The following MPDZ variants were observed in gnomAD, a reference collection of about 807,000 sequenced individuals.
The protein encoded by MPDZ is multiple PDZ domain crumbs cell polarity complex component.
MPDZ carries 234 observed loss-of-function variants against 239.1 expected under a neutral mutation model. The observed-to-expected ratio is 0.98, with a 90% CI of 0.88 to 1.09. The LOEUF (loss-of-function observed/expected upper bound fraction) is 1.09. Among genes scored for constraint, MPDZ ranks in the 50% least tolerant of loss-of-function variants. The probability of loss-of-function intolerance (pLI) is 0.00; values close to 1 mark genes in which losing one functional copy is unlikely to be tolerated. For synonymous variants in MPDZ, 1,048 were observed against 881.3 expected (o/e 1.19, Z -3.35); for missense variants, 3,175 against 2,510.0 (o/e 1.26, Z -5.66).
chr9:13,203,227 C>A (rs980263302), intron 12 of MPDZ, among the ~76,000 whole-genome samples: 1 of 152,114 alleles, frequency 6.6e-6, no homozygotes, highest in Non-Finnish European at 1.5e-5. Context: ...AGGATGAACA[C>A]AGACTACAGG....
chr9:13,221,595 T>C, intron 6 of MPDZ, 95 bp from the exon 7 acceptor site: 1 of 1,273,890 alleles, frequency 7.8e-7, no homozygotes, highest in Non-Finnish European at 1.1e-6. Context: ...TTGTTAATAT[T>C]AAATAATTAA....
chr9:13,277,634 G>T (rs527739627), intron 1 of MPDZ, among the ~76,000 whole-genome samples: 2 of 152,026 alleles, frequency 1.3e-5, no homozygotes, highest in African/African-American at 4.8e-5. Context: ...GCGCGATCTC[G>T]GCTCAATGCA....
At chr9:13,233,701 T>C (rs116530210) in intron 3 of MPDZ, among the ~76,000 whole-genome samples, 1 of 152,212 alleles carries the variant, frequency 6.6e-6, no homozygotes, top group South Asian at 2.1e-4. Flanking sequence ...CTCTGGGGCA[T>C]TCCAGTGAAT....
At chr9:13,186,857 T>C (rs1002977563) in intron 17 of MPDZ, among the ~76,000 whole-genome samples, 1 of 152,176 alleles carries the variant, frequency 6.6e-6, no homozygotes, top group African/African-American at 2.4e-5. Context: ...TACAAGAATA[T>C]TATTTTAAAG....
intron 1 of MPDZ, among the ~76,000 whole-genome samples, chr9:13,272,864 G>A (rs932873837): frequency 6.6e-6 from 1 of 152,088 alleles, no homozygotes; most frequent in East Asian, 1.9e-4. Context: ...TAATGCCTTA[G>A]ACAAAGCAAG....
At chr9:13,222,660 C>T (rs1587916055) in intron 5 of MPDZ, among the ~76,000 whole-genome samples, 3 of 152,078 alleles carry the variant, frequency 2.0e-5, no homozygotes, top group African/African-American at 7.2e-5. Flanking sequence ...TACTGAACCC[C>T]TCCCATATAA....
chr9:13,180,265 T>C (rs1054563087), intron 19 of MPDZ, among the ~76,000 whole-genome samples: 1 of 152,150 alleles, frequency 6.6e-6, no homozygotes, highest in Admixed American at 6.6e-5. Context: ...TACTAAAAAA[T>C]ATCATTAAAT....
chr9:13,121,792 A>C lies in MPDZ; in HGVS notation c.5178T>G (p.Ile1726Met), dbSNP rs1944388398. The C allele has an allele frequency of 6.2e-7, 1 of 1,613,778 alleles. No homozygotes were observed. Among genetic ancestry groups the C allele is most frequent in the South Asian group, 1.1e-5 (1 of 91,070 alleles). Residue 1726 changes from isoleucine to methionine, a missense_variant, in exon 38 of 47, where the codon ATT (isoleucine) becomes ATG (methionine). By Grantham distance (10) the Ile-to-Met change is conservative. Coordinates refer to ENST00000319217, the MANE Select transcript of MPDZ (RefSeq NM_001378778.1). ...CTTTTCCCGGCTTCTTCTGCAGCTCAATAGTGAGGGTGTCACACACTTCCT... is the reference window on the plus strand; with the variant it reads ...CTTTTCCCGGCTTCTTCTGCAGCTCCATAGTGAGGGTGTCACACACTTCCT... ...KEEEVCDTLT[I>M]ELQKKPGKGL...
At chr9:13,192,329 A>G (rs759711230) in intron 14 of MPDZ, 34 bp from the exon 15 acceptor site, 2 of 1,527,964 alleles carry the variant, frequency 1.3e-6, no homozygotes, top group African/African-American at 2.7e-5. Context: ...AACAAACAAC[A>G]CTTCATAATA....
chr9:13,121,097 T>C (rs1321393032), intron 38 of MPDZ, among the ~76,000 whole-genome samples: 1 of 152,198 alleles, frequency 6.6e-6, no homozygotes, highest in Admixed American at 6.5e-5. Context: ...TACAAATGAA[T>C]TAGGTTGTGA....
rs1321282655 is a variant in MPDZ at position 13,110,684 on chromosome 9, GGT to G, written c.5779_5780del (p.Thr1927ProfsTer4). ...CGTSTEGMTH[T>X]QAVNLLKNAS... ...CATTTTTCAGTAGGTTAACTGCTTGGGTGTGAGTCATGCCCTCAGTGGATGTG... is the reference window on the plus strand; with the variant it reads ...CATTTTTCAGTAGGTTAACTGCTTGGGTGAGTCATGCCCTCAGTGGATGTG... On this transcript the variant is annotated frameshift_variant, in exon 44 of 47. Transcript: ENST00000319217. LOFTEE classifies it high-confidence loss of function. 6.2e-7 allele frequency: 1 copy of G among 1,613,650 alleles called. No individual in the cohort carries two copies. The highest frequency in any genetic ancestry group is 1.1e-5 in the South Asian group (1 of 90,996).
intron 21 of MPDZ, among the ~76,000 whole-genome samples, chr9:13,170,374 T>C (rs1442990973): frequency 2.0e-5 from 3 of 152,156 alleles, no homozygotes; most frequent in Admixed American, 1.3e-4. Flanking sequence ...ATAAAACATT[T>C]TTAAATGTAC....
chr9:13,266,683 C>A (rs1185394965), intron 1 of MPDZ, among the ~76,000 whole-genome samples: 2 of 152,166 alleles, frequency 1.3e-5, no homozygotes, highest in African/African-American at 4.8e-5. Flanking sequence ...TTTTCCAAGG[C>A]TCCCTAACTC....
chr9:13,209,415 A>C (rs943433532), intron 10 of MPDZ, among the ~76,000 whole-genome samples: 7 of 152,210 alleles, frequency 4.6e-5, no homozygotes, highest in African/African-American at 1.7e-4. Flanking sequence ...TCTACAAATG[A>C]ATCAAGTGAA....
At position 13,107,082 on chromosome 9, in the gene MPDZ, T is replaced by C; in HGVS notation, c.6096A>G (p.Lys2032=). The C allele has an allele frequency of 6.3e-7, 1 of 1,583,470 alleles. No homozygotes were observed. ...KGAASEDGRL[K]RGDQIIAVNG... ...TGACAGCAATGATCTGATCGCCCCTTTTCAGACGTCCGTCTTCAGAGGCTG... is the reference window on the plus strand; with the variant it reads ...TGACAGCAATGATCTGATCGCCCCTCTTCAGACGTCCGTCTTCAGAGGCTG... The change falls in exon 47 of 47, where the codon AAA becomes AAG. Residue 2032 remains lysine, a synonymous_variant. Transcript: ENST00000319217.
At chr9:13,268,542 G>T (rs1010275765) in intron 1 of MPDZ, among the ~76,000 whole-genome samples, 2 of 152,152 alleles carry the variant, frequency 1.3e-5, no homozygotes, top group Non-Finnish European at 2.9e-5. Context: ...AAAACGGTAA[G>T]TAATTATACG....
rs751360648 is a variant in MPDZ, at chr9:13,222,364, T to A, written c.616A>T (p.Ile206Phe). ...LDQTITHQQA[I>F]SILQKAKDTV... The stretch of plus-strand genomic sequence containing the variant: ...TCTTTGGCTTTCTGCAGGATGCTGA[T>A]AGCCTGCTGATGTGTAATTGTCTGA... The change falls in exon 6 of 47, where the codon ATC becomes TTC. Residue 206 changes from isoleucine (I) to phenylalanine (F), a missense_variant. Transcript: ENST00000319217. The A allele has an allele frequency of 6.2e-7, 1 of 1,612,826 alleles. No homozygotes were observed. The highest frequency in any genetic ancestry group is 8.5e-7 in the Non-Finnish European group (1 of 1,179,124).
chr9:13,206,403 T>C (rs915585596), intron 10 of MPDZ, among the ~76,000 whole-genome samples: 1 of 152,032 alleles, frequency 6.6e-6, no homozygotes, highest in African/African-American at 2.4e-5. Context: ...TTTCCCTTTT[T>C]GTTGAGACAG....
chr9:13,136,325 CTTTTTT>C lies in MPDZ; in HGVS notation c.4293-149_4293-144del, dbSNP rs869272418. The C allele has an allele frequency of 5.4e-3, 838 of 156,530 alleles. 10 individuals are homozygous for C. In the East Asian group the frequency reaches 0.074, roughly 14 times the overall value. 9.7% of individuals were successfully genotyped at this position (156,530 alleles called of 1,614,324 possible). A position where few individuals can be genotyped will look rare whatever the true frequency, so the allele number is the denominator to read the frequency against. ...ACACTTACAAATTTACAAACGTTTTCTTTTTTTTTTTTTTTTTTTTTTTTGAGACAG... is the reference window on the plus strand; with the variant it reads ...ACACTTACAAATTTACAAACGTTTTCTTTTTTTTTTTTTTTTTTGAGACAG... On this transcript the variant is annotated intron_variant, in intron 30 of 46. Transcript: ENST00000319217.
Sources: gnomAD v4.1 joint callset for allele counts (sites outside exome capture counted in the v4.1 genomes callset) on GRCh38, gnomAD v4.1.1 for gene constraint, MANE v1.5 for transcripts, NCBI Gene and HGNC (gene_info 2026-07-23, HGNC 2026-07-21) for gene names.